Variants in MAD1L1 observed in about 807,000 individuals in gnomAD.
MAD1L1 encodes mitotic arrest deficient 1 like 1.
Under a neutral mutation model 96.9 loss-of-function variants are expected in MAD1L1, and 95 were observed. The ratio of observed to expected loss-of-function variants is 0.98; its 90% CI spans 0.83 to 1.16. MAD1L1 has a LOEUF of 1.16. Ranked by LOEUF, MAD1L1 falls within the 50% of genes most tolerant of loss-of-function variation. The probability of loss-of-function intolerance (pLI) is 0.00; values close to 1 mark genes in which losing one functional copy is unlikely to be tolerated. For synonymous variants in MAD1L1, 473 were observed against 396.6 expected, an observed-to-expected ratio of 1.19 and a Z score of -2.29; for missense variants, 1,007 against 954.4, an observed-to-expected ratio of 1.06 and a Z score of -0.73.
chr7:1,958,657 C>A (rs1583916851), intron 15 of MAD1L1, among the ~76,000 whole-genome samples: 1 of 152,132 alleles, frequency 6.6e-6, no homozygotes, highest in Non-Finnish European at 1.5e-5. Flanking sequence ...GCCTGCCATC[C>A]AGTCAAAGAT....
intron 11 of MAD1L1, among the ~76,000 whole-genome samples, chr7:2,084,180 T>G (rs1178620591): frequency 6.6e-6 from 1 of 152,172 alleles, no homozygotes; most frequent in Non-Finnish European, 1.5e-5. Flanking sequence ...GTCAAAATAA[T>G]TCAGGAAACA....
intron 14 of MAD1L1, among the ~76,000 whole-genome samples, chr7:1,982,722 A>G (rs1255151414): frequency 6.6e-6 from 1 of 152,214 alleles, no homozygotes; most frequent in Non-Finnish European, 1.5e-5. Flanking sequence ...TTGGATGACT[A>G]GTATCTCCAG....
At chr7:1,816,287 C>CCCCT (rs536694137) in intron 18 of MAD1L1, 59 bp from the exon 19 acceptor site, 1 of 1,534,006 alleles carries the variant, frequency 6.5e-7, no homozygotes, top group African/African-American at 1.4e-5. Context: ...CTCTCCCTCT[C>CCCCT]CCCTCCCTCC....
chr7:2,169,764 A>G (rs1790620658), intron 10 of MAD1L1, among the ~76,000 whole-genome samples: 1 of 143,296 alleles, frequency 7.0e-6, no homozygotes, highest in East Asian at 2.0e-4. Context: ...ACAAAGGCCC[A>G]CTGGGGGCAC....
At chr7:2,116,130 C>T (rs890529295) in intron 11 of MAD1L1, among the ~76,000 whole-genome samples, 2 of 152,252 alleles carry the variant, frequency 1.3e-5, no homozygotes, top group African/African-American at 4.8e-5. Context: ...CAGGACCTCA[C>T]TGTCCACACT....
chr7:2,162,578 G>T (rs1251996893), intron 10 of MAD1L1, among the ~76,000 whole-genome samples: 2 of 146,340 alleles, frequency 1.4e-5, no homozygotes, highest in Admixed American at 6.8e-5. Context: ...ACCCAAGAAT[G>T]ATCAATAAAT....
Position 1,917,713 on chromosome 7 carries a change from C to T in MAD1L1, c.1807+18974G>A, listed in dbSNP as rs577297726. 4.3e-4 allele frequency among the ~76,000 whole-genome samples: 65 copies of T among 152,304 alleles called. 3 individuals carry two copies. The South Asian group carries it at 0.013, about 31-fold the overall frequency. On this transcript the variant is annotated intron_variant, in intron 17 of 18. Coordinates refer to ENST00000265854, the MANE Select transcript of MAD1L1 (RefSeq NM_001013836.2). ...GGACCGTAGCAAGAGCAAGAGGGCT[C>T]CTCAGCAGTCCCTGTGGCTGGCACA...
Position 2,084,484 on chromosome 7 carries a change from G to A in MAD1L1, c.1074-15146C>T, listed in dbSNP as rs145383038. On this transcript the variant is annotated intron_variant, in intron 11 of 18. Transcript: ENST00000265854. ...CAGACGTGCCGGGGACGAGGGAGCA[G>A]GTACCTGTGCTCACGGAGGTCCCCA... Among the ~76,000 whole-genome samples, 7 of 152,372 alleles carry A rather than the reference G, an allele frequency of 4.6e-5. No homozygotes were observed. The East Asian group carries it at 7.7e-4, about 17-fold the overall frequency.
chr7:1,910,837 G>T (rs939074139), intron 17 of MAD1L1, among the ~76,000 whole-genome samples: 7 of 152,208 alleles, frequency 4.6e-5, no homozygotes, highest in Admixed American at 3.9e-4. Context: ...TCTGGATGGG[G>T]AAACCGACGA....
At chr7:2,163,666 G>GCA (rs1790275930) in intron 10 of MAD1L1, among the ~76,000 whole-genome samples, 1 of 152,072 alleles carries the variant, frequency 6.6e-6, no homozygotes, top group South Asian at 2.1e-4. Context: ...AGCCACAGAA[G>GCA]CACACTTTTC....
chr7:2,114,126 G>C lies in MAD1L1; in HGVS notation c.1073+35026C>G, dbSNP rs976109334. On this transcript the variant is annotated intron_variant, in intron 11 of 18. Transcript: ENST00000265854. The surrounding 1 kb of genome is among the most constrained non-coding windows in gnomAD (Gnocchi z 4.2). ...CAAGACGTTACCCTCGGGAAAGCTG[G>C]CGGAGGGTGCGTCGAAACATTCTCC... Among the ~76,000 whole-genome samples, 2 of 152,234 alleles carry C rather than the reference G, an allele frequency of 1.3e-5. No homozygotes were observed. The highest frequency in any genetic ancestry group is 4.8e-5 in the African/African-American group (2 of 41,464).
chr7:2,087,883 C>T lies in MAD1L1; in HGVS notation c.1074-18545G>A, dbSNP rs941348528. Among the ~76,000 whole-genome samples the T allele has an allele frequency of 2.0e-5, 3 of 152,106 alleles. No homozygotes were observed. In the East Asian group the frequency reaches 5.8e-4, roughly 29 times the overall value. On this transcript the variant is annotated intron_variant, in intron 11 of 18. Transcript: ENST00000265854. ...CCCCTTAGCATCCAAGACAGCACGG[C>T]GCTAGCAGCTGAAGGGAAAACCACA...
intron 18 of MAD1L1, among the ~76,000 whole-genome samples, chr7:1,884,357 C>T (rs1271235478): frequency 2.6e-5 from 4 of 152,358 alleles, no homozygotes; most frequent in African/African-American, 7.2e-5. Flanking sequence ...GGGCAGCCAC[C>T]AGCTCCCCTG....
intron 10 of MAD1L1, among the ~76,000 whole-genome samples, chr7:2,193,936 AT>A (rs35067993): frequency 0.055 from 4,588 of 82,668 alleles, 212 homozygotes; most frequent in African/African-American, 0.2. Context: ...CTCTGCATGG[AT>A]TTTTTTTTTT....
intron 18 of MAD1L1, among the ~76,000 whole-genome samples, chr7:1,861,097 G>A (rs534220091): frequency 2.6e-5 from 4 of 152,332 alleles, no homozygotes; most frequent in East Asian, 1.9e-4. Flanking sequence ...AGAGGCGGCC[G>A]CTCACCCTGC....
intron 17 of MAD1L1, among the ~76,000 whole-genome samples, chr7:1,908,414 C>T (rs1467690537): frequency 4.6e-5 from 7 of 152,172 alleles, no homozygotes; most frequent in African/African-American, 7.2e-5. Flanking sequence ...CAGGGTCTCA[C>T]TCTGTCACCC....
chr7:2,193,036 T>C (rs10257990), intron 10 of MAD1L1, among the ~76,000 whole-genome samples: 50,899 of 152,142 alleles, frequency 0.33, 9,511 homozygotes, highest in East Asian at 0.69. Context: ...CAGTGGTTCA[T>C]GTTTTTGATG....
intron 7 of MAD1L1, 55 bp downstream of exon 7, chr7:2,217,907 G>GA (rs1793378823): frequency 4.1e-6 from 6 of 1,458,566 alleles, no homozygotes; most frequent in Non-Finnish European, 5.8e-6. Flanking sequence ...ACAGGGGCAG[G>GA]AGAGTCAAGG....
At chr7:2,003,635 G>A (rs1423265657) in intron 13 of MAD1L1, among the ~76,000 whole-genome samples, 1 of 152,120 alleles carries the variant, frequency 6.6e-6, no homozygotes, top group Non-Finnish European at 1.5e-5. Context: ...CACTCAGTGG[G>A]GCCACCGGAG....
Sources: allele counts gnomAD v4.1 joint callset (sites outside exome capture counted in the v4.1 genomes callset), GRCh38; gene constraint gnomAD v4.1.1; non-coding constraint Gnocchi (gnomAD v3.1); transcripts MANE v1.5; gene names NCBI Gene and HGNC (gene_info 2026-07-23, HGNC 2026-07-21).